The following HHAT variants were observed in gnomAD, a reference collection of about 807,000 sequenced individuals.
HHAT encodes the protein hedgehog acyltransferase.
In HHAT, 47 loss-of-function variants were observed where a neutral mutation model predicts 70.8. That is an observed-to-expected ratio of 0.66 (90% CI 0.53 to 0.85). HHAT has a LOEUF of 0.85. Among genes scored for constraint, HHAT ranks in the 40% least tolerant of loss-of-function variants. The pLI is 0.00. For missense variants in HHAT, 609 were observed against 604.8 expected, an observed-to-expected ratio of 1.01 and a Z score of -0.07; for synonymous variants, 228 against 247.6, an observed-to-expected ratio of 0.92 and a Z score of 0.74.
intron 4 of HHAT, among the ~76,000 whole-genome samples, chr1:210,392,468 A>G (rs1162622665): frequency 1.3e-5 from 2 of 152,140 alleles, no homozygotes; most frequent in African/African-American, 4.8e-5. Context: ...TGAAATTTTA[A>G]TACTACAGAT....
chr1:210,433,600 A>C (rs1156559980), intron 7 of HHAT, among the ~76,000 whole-genome samples: 2 of 151,726 alleles, frequency 1.3e-5, no homozygotes, highest in African/African-American at 4.9e-5. Context: ...CTTGTCTGTC[A>C]GGGCTCCGTT....
intron 1 of HHAT, among the ~76,000 whole-genome samples, chr1:210,343,368 C>T (rs1304025510): frequency 1.3e-5 from 2 of 152,198 alleles, no homozygotes; most frequent in African/African-American, 4.8e-5. Flanking sequence ...GTTTTCATTT[C>T]TGCCTTCGTC....
chr1:210,407,859 G>A (rs2092394121), intron 6 of HHAT, among the ~76,000 whole-genome samples: 1 of 152,168 alleles, frequency 6.6e-6, no homozygotes, highest in South Asian at 2.1e-4. Flanking sequence ...GGGCACTGGG[G>A]AGAAGAGCAG....
chr1:210,514,847 A>G (rs1457617035), intron 9 of HHAT, among the ~76,000 whole-genome samples: 1 of 152,224 alleles, frequency 6.6e-6, no homozygotes, highest in Non-Finnish European at 1.5e-5. Context: ...GAAGCTTTCC[A>G]TGTGTTTATC....
intron 9 of HHAT, among the ~76,000 whole-genome samples, chr1:210,543,439 G>A (rs577881463): frequency 1.9e-4 from 29 of 151,752 alleles, no homozygotes; most frequent in Non-Finnish European, 3.7e-4. Flanking sequence ...GTCTGGCTGA[G>A]CTTGGTGACT....
intron 9 of HHAT, among the ~76,000 whole-genome samples, chr1:210,560,836 A>AAAAAAAAAAAC (rs2095615998): frequency 6.8e-6 from 1 of 147,368 alleles, no homozygotes; most frequent in Non-Finnish European, 1.5e-5. Flanking sequence ...AAAAAAAAAA[A>AAAAAAAAAAAC]AAAAAAAAAA....
intron 11 of HHAT, among the ~76,000 whole-genome samples, chr1:210,651,968 A>G (rs1196720543): frequency 1.3e-5 from 2 of 152,200 alleles, no homozygotes; most frequent in African/African-American, 4.8e-5. Flanking sequence ...GGTGTGGCTG[A>G]GGCTAATTCA....
chr1:210,523,480 T>C (rs1257178133), intron 9 of HHAT, among the ~76,000 whole-genome samples: 2 of 152,144 alleles, frequency 1.3e-5, no homozygotes, highest in Non-Finnish European at 2.9e-5. Flanking sequence ...ATCCCCAAGC[T>C]CTACTTCTGG....
At chr1:210,562,621 G>A (rs947072446) in intron 9 of HHAT, among the ~76,000 whole-genome samples, 4 of 151,746 alleles carry the variant, frequency 2.6e-5, no homozygotes, top group Non-Finnish European at 5.9e-5. Context: ...TCTTGGTTAA[G>A]CTTTATGATA....
At chr1:210,604,219 A>C (rs963609195) in intron 10 of HHAT, among the ~76,000 whole-genome samples, 1 of 150,398 alleles carries the variant, frequency 6.6e-6, no homozygotes, top group South Asian at 2.1e-4. Context: ...AGTTGGGACT[A>C]CAGGTGCATG....
intron 4 of HHAT, among the ~76,000 whole-genome samples, chr1:210,399,947 C>T (rs11119482): frequency 0.65 from 98,191 of 151,992 alleles, 32,403 homozygotes; most frequent in African/African-American, 0.78. Context: ...ATCAAAAATG[C>T]AAAAAAACCC....
chr1:210,604,672 A>G (rs1016693574), intron 10 of HHAT, among the ~76,000 whole-genome samples: 3 of 152,134 alleles, frequency 2.0e-5, no homozygotes, highest in Non-Finnish European at 4.4e-5. Flanking sequence ...AGCAGGACGG[A>G]TTCACCCTAG....
chr1:210,385,258 T>TC (rs1377681723), intron 3 of HHAT, among the ~76,000 whole-genome samples: 2 of 134,604 alleles, frequency 1.5e-5, no homozygotes, highest in Non-Finnish European at 3.4e-5. Context: ...TTTTCTTTTT[T>TC]TTTTTTTTTC....
chr1:210,633,170 A>G (rs1671206877), intron 11 of HHAT, among the ~76,000 whole-genome samples: 1 of 152,178 alleles, frequency 6.6e-6, no homozygotes, highest in Non-Finnish European at 1.5e-5. Flanking sequence ...AAGTTGGGGT[A>G]GGGAGAGGTA....
chr1:210,513,252 G>T, intron 9 of HHAT, 64 bp downstream of exon 9: 1 of 859,040 alleles, frequency 1.2e-6, no homozygotes, highest in South Asian at 1.5e-5. Context: ...AGATTGAAAT[G>T]GAAAATCTTT....
At chr1:210,572,207 T>C (rs976082113) in intron 9 of HHAT, among the ~76,000 whole-genome samples, 7 of 152,220 alleles carry the variant, frequency 4.6e-5, no homozygotes, top group African/African-American at 1.7e-4. Context: ...ATCATAATTA[T>C]GGTAAATGAG....
Position 210,328,907 on chromosome 1 carries a change from C to T in HHAT, c.-241C>T. The T allele has an allele frequency of 1.2e-6, 1 of 833,782 alleles. No individual in the cohort carries two copies. The highest frequency in any genetic ancestry group is 1.6e-6 in the Non-Finnish European group (1 of 623,814). 51.6% of individuals were successfully genotyped at this position (833,782 alleles called of 1,614,324 possible). ...TCCGGGCGCGGAGGGCGCGCGGGCACGGCGGCAGGGGCGTGCTCGGAGGAC... is the reference window on the plus strand; with the variant it reads ...TCCGGGCGCGGAGGGCGCGCGGGCATGGCGGCAGGGGCGTGCTCGGAGGAC... On this transcript the variant is annotated 5_prime_UTR_variant, in exon 1 of 12. It adds an upstream start codon to the 5' untranslated region. Coordinates refer to ENST00000261458, the MANE Select transcript of HHAT (RefSeq NM_018194.6).
At chr1:210,464,715 G>A in intron 8 of HHAT, 60 bp downstream of exon 8, 3 of 1,590,466 alleles carry the variant, frequency 1.9e-6, no homozygotes, top group Admixed American at 1.7e-5. Context: ...GCATGGCTGG[G>A]CCGGCCTCAA....
chr1:210,331,400 G>A (rs1326192755), intron 1 of HHAT, among the ~76,000 whole-genome samples: 6 of 152,168 alleles, frequency 3.9e-5, no homozygotes, highest in African/African-American at 1.4e-4. Flanking sequence ...CGGTGCTTTT[G>A]TGGCAATTTC....
Sources: allele counts gnomAD v4.1 joint callset (sites outside exome capture counted in the v4.1 genomes callset), GRCh38; gene constraint gnomAD v4.1.1; transcripts MANE v1.5; gene names NCBI Gene and HGNC (gene_info 2026-07-23, HGNC 2026-07-21).